The following ADAMTSL1 variants were observed in gnomAD, a reference collection of about 807,000 sequenced individuals.
The protein encoded by ADAMTSL1 is ADAMTS like 1, also known as ADAMTS-like protein 1.
Under a neutral mutation model 201.8 loss-of-function variants are expected in ADAMTSL1, and 126 were observed. The observed-to-expected ratio is 0.62, with a 90% CI of 0.54 to 0.72. The LOEUF (loss-of-function observed/expected upper bound fraction) is 0.72, where lower values mean the gene tolerates loss of function less well. Ranked by LOEUF, ADAMTSL1 falls within the 30% of genes least tolerant of loss-of-function variation. ADAMTSL1 has a pLI of 0.00. For synonymous variants in ADAMTSL1, 1,121 were observed against 903.4 expected (o/e 1.24, Z -4.32); for missense variants, 2,679 against 2,277.8 (o/e 1.18, Z -3.59).
chr9:18,105,082 G>A (rs1311702030), intron 1 of ADAMTSL1, among the ~76,000 whole-genome samples: 1 of 152,180 alleles, frequency 6.6e-6, no homozygotes. Flanking sequence ...AGAGAGTACT[G>A]TGAGTCAGAG....
intron 2 of ADAMTSL1, among the ~76,000 whole-genome samples, chr9:18,524,757 A>G (rs1177288663): frequency 1.3e-5 from 2 of 152,138 alleles, no homozygotes; most frequent in East Asian, 1.9e-4. Context: ...TGATTTGTGT[A>G]TGTTGAACCA....
intron 2 of ADAMTSL1, among the ~76,000 whole-genome samples, chr9:18,173,260 T>C (rs1827985292): frequency 6.6e-6 from 1 of 152,230 alleles, no homozygotes; most frequent in South Asian, 2.1e-4. Context: ...GGAAAATCAC[T>C]GAAACATAAA....
intron 1 of ADAMTSL1, among the ~76,000 whole-genome samples, chr9:18,158,618 T>C (rs1012758746): frequency 6.6e-6 from 1 of 152,084 alleles, no homozygotes; most frequent in Non-Finnish European, 1.5e-5. Context: ...TATTACCAAA[T>C]GGCAGACCAT....
At chr9:18,759,275 C>T (rs1035086201) in intron 16 of ADAMTSL1, among the ~76,000 whole-genome samples, 1 of 152,104 alleles carries the variant, frequency 6.6e-6, no homozygotes, top group South Asian at 2.1e-4. Context: ...TGTAAAAAAG[C>T]ATAAGGGAGA....
intron 16 of ADAMTSL1, among the ~76,000 whole-genome samples, chr9:18,764,493 C>G (rs539084780): frequency 6.6e-6 from 1 of 152,284 alleles, no homozygotes; most frequent in South Asian, 2.1e-4. Context: ...ATATCCTTCT[C>G]TTGTCTTACT....
chr9:18,548,080 T>C (rs575171850), intron 3 of ADAMTSL1, among the ~76,000 whole-genome samples: 1 of 152,162 alleles, frequency 6.6e-6, no homozygotes, highest in African/African-American at 2.4e-5. Context: ...ATAAAGTCAA[T>C]CCTCTTTATT....
At chr9:17,963,485 C>G (rs1368936993) in intron 1 of ADAMTSL1, among the ~76,000 whole-genome samples, 6 of 152,000 alleles carry the variant, frequency 3.9e-5, no homozygotes, top group Non-Finnish European at 8.8e-5. Flanking sequence ...CAGGATTGTT[C>G]AAATTGAGAT....
chr9:18,300,272 T>C, intron 2 of ADAMTSL1, among the ~76,000 whole-genome samples: 1 of 152,132 alleles, frequency 6.6e-6, no homozygotes, highest in East Asian at 1.9e-4. Context: ...CATGGAATAC[T>C]ATGGAGCCAT....
intron 1 of ADAMTSL1, among the ~76,000 whole-genome samples, chr9:18,061,243 G>A (rs1382436511): frequency 6.6e-6 from 1 of 152,160 alleles, no homozygotes; most frequent in African/African-American, 2.4e-5. Flanking sequence ...TCTGATAGTG[G>A]CATTAACAAC....
intron 20 of ADAMTSL1, among the ~76,000 whole-genome samples, chr9:18,808,611 C>T (rs1488229233): frequency 6.6e-6 from 1 of 152,166 alleles, no homozygotes; most frequent in Admixed American, 6.5e-5. Context: ...GGAAAAATAA[C>T]TTGGTAATTG....
At chr9:18,369,162 A>G (rs1484689612) in intron 2 of ADAMTSL1, among the ~76,000 whole-genome samples, 1 of 152,246 alleles carries the variant, frequency 6.6e-6, no homozygotes, top group Non-Finnish European at 1.5e-5. Flanking sequence ...ATGTTTTAAG[A>G]AAAGCTCATA....
At chr9:18,175,959 G>C (rs1244157053) in intron 2 of ADAMTSL1, among the ~76,000 whole-genome samples, 1 of 136,178 alleles carries the variant, frequency 7.3e-6, no homozygotes, top group Non-Finnish European at 1.5e-5. Context: ...AAGGTATATT[G>C]AGATTTCAGA....
intron 1 of ADAMTSL1, among the ~76,000 whole-genome samples, chr9:18,058,269 C>T (rs1222075384): frequency 1.3e-5 from 2 of 152,106 alleles, no homozygotes; most frequent in Non-Finnish European, 2.9e-5. Flanking sequence ...TCTCCTCATC[C>T]CTAGAGAGTG....
chr9:18,618,725 G>A (rs1339104647), intron 4 of ADAMTSL1, among the ~76,000 whole-genome samples: 1 of 152,148 alleles, frequency 6.6e-6, no homozygotes, highest in Non-Finnish European at 1.5e-5. Context: ...CCAGCAGGAA[G>A]GTAGGAAGGC....
chr9:18,275,096 A>T (rs184709687), intron 2 of ADAMTSL1, among the ~76,000 whole-genome samples: 34 of 152,256 alleles, frequency 2.2e-4, no homozygotes, highest in African/African-American at 7.7e-4. Context: ...TCTGGGCAAA[A>T]TTTGTATTTG....
chr9:18,577,876 T>G (rs1252897024), intron 4 of ADAMTSL1, among the ~76,000 whole-genome samples: 1 of 152,210 alleles, frequency 6.6e-6, no homozygotes, highest in African/African-American at 2.4e-5. Flanking sequence ...ATTTCACAAT[T>G]GAAACGTTCA....
chr9:18,192,271 T>C (rs1219877670), intron 2 of ADAMTSL1, among the ~76,000 whole-genome samples: 3 of 152,168 alleles, frequency 2.0e-5, no homozygotes, highest in Non-Finnish European at 4.4e-5. Flanking sequence ...ATTGAAAACA[T>C]CACCACTTAG....
At chr9:17,929,495 C>T (rs905079996) in intron 1 of ADAMTSL1, among the ~76,000 whole-genome samples, 4 of 152,184 alleles carry the variant, frequency 2.6e-5, no homozygotes, top group South Asian at 4.2e-4. Flanking sequence ...CTGATCCAGC[C>T]CCTGCCTAGC....
At chr9:18,049,838 T>C (rs1283980218) in intron 1 of ADAMTSL1, among the ~76,000 whole-genome samples, 1 of 152,156 alleles carries the variant, frequency 6.6e-6, no homozygotes, top group Non-Finnish European at 1.5e-5. Context: ...TTAGCCAGGA[T>C]GGTCTCGATC....
Sources: allele counts gnomAD v4.1 joint callset (sites outside exome capture counted in the v4.1 genomes callset), GRCh38; gene constraint gnomAD v4.1.1; transcripts MANE v1.5; gene names NCBI Gene and HGNC (gene_info 2026-07-23, HGNC 2026-07-21).